The following CASP2 variants were observed in gnomAD, a reference collection of about 807,000 sequenced individuals.
CASP2 encodes caspase 2, also known as caspase-2.
CASP2 carries 38 observed loss-of-function variants against 54.4 expected under a neutral mutation model. The observed-to-expected ratio is 0.70, with a 90% CI of 0.54 to 0.92. The LOEUF is 0.92. Ranked by LOEUF, CASP2 falls within the 40% of genes least tolerant of loss-of-function variation. The probability of loss-of-function intolerance (pLI) is 0.00; values close to 1 mark genes in which losing one functional copy is unlikely to be tolerated. For missense variants in CASP2, 512 were observed against 579.6 expected, an observed-to-expected ratio of 0.88 and a Z score of 1.20; for synonymous variants, 215 against 216.3, an observed-to-expected ratio of 0.99 and a Z score of 0.05.
intron 8 of CASP2, chr7:143,301,835 C>A (rs1009418478): frequency 2.0e-5 from 3 of 152,134 alleles, no homozygotes; most frequent in African/African-American, 7.2e-5. Context: ...TCCTTACAAA[C>A]CTTTAGTCAT....
At chr7:143,291,470 G>A in intron 1 of CASP2, 70 bp from the exon 2 acceptor site, 1 of 1,435,456 alleles carries the variant, frequency 7.0e-7, no homozygotes, top group Non-Finnish European at 9.8e-7. Flanking sequence ...TCCTATTCAT[G>A]CCTCTTCCAC....
At chr7:143,303,596 A>C (rs1801983632) in intron 8 of CASP2, 188 bp from the exon 9 acceptor site, 2 of 535,528 alleles carry the variant, frequency 3.7e-6, no homozygotes, top group East Asian at 6.6e-5. Flanking sequence ...CCCCTGAGTA[A>C]CAGATGCATG....
Position 143,294,279 on chromosome 7 carries a change from G to C in CASP2, c.525G>C (p.Gln175His), listed in dbSNP as rs1801676894. The C allele has an allele frequency of 6.2e-7, 1 of 1,612,940 alleles. No individual in the cohort carries two copies. The change falls in exon 5 of 11, where the codon CAG becomes CAC. Residue 175 changes from glutamine to histidine, a missense_variant. Around this residue, in one of 3 missense-constraint regions of CASP2, gnomAD observed 417 missense variants for 495.4 expected, o/e 0.84. Coordinates refer to ENST00000310447, the MANE Select transcript of CASP2 (RefSeq NM_032982.4). ...LDNKDGPVCL[Q>H]VKPCTPEFYQ... ...ATAAAGATGGTCCTGTCTGCCTTCAGGTGAAGCCTTGCACTCCTGAATTTT... is the reference window on the plus strand; with the variant it reads ...ATAAAGATGGTCCTGTCTGCCTTCACGTGAAGCCTTGCACTCCTGAATTTT...
In CASP2 at chr7:143,293,082, C is replaced by CT. The variant is rs1366561943; in HGVS notation, c.475+385dup. 5 of 625,374 alleles carry CT rather than the reference C, an allele frequency of 8.0e-6. No individual in the cohort carries two copies. The African/African-American group carries it at 9.3e-5, about 12-fold the overall frequency. The allele number at this position is 625,374 out of a possible 1,614,324, so 38.7% of individuals were successfully genotyped here. On this transcript the variant is annotated intron_variant, in intron 4 of 10. Transcript: ENST00000310447. The stretch of plus-strand genomic sequence containing the variant: ...TGACTTCCCCTTTCTTGTCTGGTAT[C>CT]TGGCTTTGTCCTAACATGAGCCCTT...
In CASP2 at chr7:143,304,869, C is replaced by A. The variant is rs1802021847; in HGVS notation, c.1228-71C>A. ...TTGAATGCTCTTTCATAGTCCGTCT[C>A]CCCTTCCCGTTTGCTGCTCTCCTGA... is the stretch of plus-strand genomic sequence containing the variant. On this transcript the variant is annotated intron_variant, in intron 10 of 10. Transcript: ENST00000310447. 1.9e-6 allele frequency: 3 copies of A among 1,610,836 alleles called. No individual in the cohort carries two copies. The East Asian group carries it at 6.7e-5, about 36-fold the overall frequency.
intron 9 of CASP2, among the ~76,000 whole-genome samples, chr7:143,304,377 G>A (rs761075635): frequency 1.3e-5 from 2 of 152,174 alleles, no homozygotes; most frequent in Admixed American, 6.5e-5. Flanking sequence ...TAGACATAAT[G>A]TTGTTGCACA....
At chr7:143,297,716 G>A (rs1801797366) in intron 6 of CASP2, among the ~76,000 whole-genome samples, 1 of 152,214 alleles carries the variant, frequency 6.6e-6, no homozygotes, top group Non-Finnish European at 1.5e-5. Context: ...CGAAGTGCTG[G>A]GATTACAGGC....
At chr7:143,300,614 T>C (rs997011244) in intron 8 of CASP2, 2 of 1,366,050 alleles carry the variant, frequency 1.5e-6, no homozygotes, top group Non-Finnish European at 1.9e-6. Context: ...CTGGTGCCCT[T>C]TTTTTGGTTA....
chr7:143,298,259 G>A (rs1801814939), intron 6 of CASP2, among the ~76,000 whole-genome samples: 1 of 152,182 alleles, frequency 6.6e-6, no homozygotes, highest in Non-Finnish European at 1.5e-5. Context: ...ATATATGTGT[G>A]TTTTAACTCT....
chr7:143,304,243 T>G (rs1033735563), intron 9 of CASP2, among the ~76,000 whole-genome samples: 1 of 152,244 alleles, frequency 6.6e-6, no homozygotes, highest in African/African-American at 2.4e-5. Context: ...GCTCAGCTGC[T>G]TTTTACAAAT....
chr7:143,300,714 C>T, intron 8 of CASP2: 1 of 1,197,502 alleles, frequency 8.4e-7, no homozygotes, highest in Non-Finnish European at 1.1e-6. Context: ...TTCACTTGTT[C>T]CATATACTTC....
intron 6 of CASP2, 119 bp downstream of exon 6, chr7:143,294,892 TTA>T: frequency 2.4e-6 from 2 of 844,096 alleles, no homozygotes; most frequent in South Asian, 2.9e-5. Context: ...TTTATTCTAC[TTA>T]CATTTTTACT....
At chr7:143,299,040 G>A (rs1801839068) in intron 6 of CASP2, among the ~76,000 whole-genome samples, 1 of 151,882 alleles carries the variant, frequency 6.6e-6, no homozygotes, top group African/African-American at 2.4e-5. Flanking sequence ...GCTCACTGCA[G>A]CCTCAACTTC....
chr7:143,293,238 C>T (rs1193949316), intron 4 of CASP2: 8 of 541,674 alleles, frequency 1.5e-5, no homozygotes, highest in Non-Finnish European at 2.6e-5. Flanking sequence ...AGGGCTCCTC[C>T]TGCCTCAGCC....
chr7:143,304,953 T>C lies in CASP2; in HGVS notation c.1241T>C (p.Ile414Thr), dbSNP rs768353289. ...ADMLVKVNAL[I>T]KDREGYAPGT... ...CTGCCCCTCCAGGTGAACGCACTTA[T>C]CAAGGATCGGGAAGGTTATGCTCCT... Residue 414 changes from isoleucine (I) to threonine (T), a missense_variant, in exon 11 of 11, where the codon ATC becomes ACC. This residue lies in a region of CASP2 where 417 missense variants were observed against 495.4 expected (regional missense o/e 0.84). Transcript: ENST00000310447. 3.1e-6 allele frequency: 5 copies of C among 1,614,186 alleles called. No individual in the cohort carries two copies. Among genetic ancestry groups the C allele is most frequent in the East Asian group, 4.5e-5 (2 of 44,884 alleles).
At chr7:143,289,840 C>G (rs1454414435) in intron 1 of CASP2, among the ~76,000 whole-genome samples, 1 of 152,132 alleles carries the variant, frequency 6.6e-6, no homozygotes, top group Non-Finnish European at 1.5e-5. Flanking sequence ...GTTTCAGACT[C>G]ATTTTTCCAA....
intron 1 of CASP2, among the ~76,000 whole-genome samples, chr7:143,288,877 A>G (rs1375482996): frequency 6.6e-6 from 1 of 152,242 alleles, no homozygotes; most frequent in Non-Finnish European, 1.5e-5. Context: ...GGGAAACTAT[A>G]AAAAGACCAT....
At chr7:143,291,439 A>G (rs1431871456) in intron 1 of CASP2, 101 bp from the exon 2 acceptor site, 1 of 1,161,938 alleles carries the variant, frequency 8.6e-7, no homozygotes, top group African/African-American at 1.5e-5. Flanking sequence ...TGGTTATTGT[A>G]AGTCTTATTC....
intron 6 of CASP2, among the ~76,000 whole-genome samples, chr7:143,297,832 G>T (rs2116787521): frequency 6.6e-6 from 1 of 152,330 alleles, no homozygotes; most frequent in South Asian, 2.1e-4. Context: ...AACATTCACA[G>T]TTATGTATTC....
Sources: gnomAD v4.1 joint callset for allele counts (sites outside exome capture counted in the v4.1 genomes callset) on GRCh38, gnomAD v4.1.1 for gene constraint, gnomAD v4.1.1 regional missense constraint, MANE v1.5 for transcripts, NCBI Gene and HGNC (gene_info 2026-07-23, HGNC 2026-07-21) for gene names.